LRRC8B: variants seen among roughly 807,000 people sequenced by gnomAD.
The protein encoded by LRRC8B is leucine rich repeat containing 8 VRAC subunit B.
LRRC8B carries 23 observed loss-of-function variants against 58.8 expected under a neutral mutation model. That is an observed-to-expected ratio of 0.39 (90% CI 0.28 to 0.55). LRRC8B has a LOEUF of 0.55. LRRC8B is among the 20% of genes least tolerant of loss of function. LRRC8B has a pLI of 0.62. For missense variants in LRRC8B, 694 were observed against 936.0 expected (o/e 0.74, Z 3.37); for synonymous variants, 359 against 374.1 (o/e 0.96, Z 0.47).
At chr1:89,581,719 C>T (rs1654238211) in intron 4 of LRRC8B, among the ~76,000 whole-genome samples, 1 of 152,190 alleles carries the variant, frequency 6.6e-6, no homozygotes, top group Non-Finnish European at 1.5e-5. Flanking sequence ...AGTACTTTGC[C>T]ATCACAACAT....
chr1:89,559,797 G>A (rs967772861), intron 1 of LRRC8B, among the ~76,000 whole-genome samples: 2 of 152,086 alleles, frequency 1.3e-5, no homozygotes, highest in African/African-American at 4.8e-5. Flanking sequence ...TCCATTATAT[G>A]CTTGGCTTGA....
intron 1 of LRRC8B, among the ~76,000 whole-genome samples, chr1:89,558,129 T>C (rs1652328833): frequency 6.6e-6 from 1 of 152,172 alleles, no homozygotes; most frequent in African/African-American, 2.4e-5. Flanking sequence ...CATAGCTAAC[T>C]GTGAGGCTGA....
intron 1 of LRRC8B, among the ~76,000 whole-genome samples, chr1:89,550,786 GATA>G (rs1368567538): frequency 2.0e-5 from 3 of 152,096 alleles, no homozygotes; most frequent in Non-Finnish European, 4.4e-5. Flanking sequence ...CAGTCTCACT[GATA>G]CTACCATGGT....
intron 3 of LRRC8B, among the ~76,000 whole-genome samples, chr1:89,576,384 T>C (rs1653849120): frequency 6.6e-6 from 1 of 152,060 alleles, no homozygotes; most frequent in Non-Finnish European, 1.5e-5. Flanking sequence ...TGGGGAGATT[T>C]GGGGGAAAAA....
chr1:89,576,888 A>C (rs1011496546), intron 3 of LRRC8B, among the ~76,000 whole-genome samples: 1 of 152,202 alleles, frequency 6.6e-6, no homozygotes, highest in African/African-American at 2.4e-5. Flanking sequence ...AATGCTTGTC[A>C]TTAAATCTCT....
Position 89,592,997 on chromosome 1 carries a change from C to T in LRRC8B, c.2366C>T (p.Pro789Leu). The part of the protein sequence containing the change: ...IVEENLLNTL[P>L]LPVTERLQTC... ...GAGGAGAACTTGCTCAATACTCTTC[C>T]TCTCCCTGTAACAGAACGTTTACAG... The change falls in exon 6 of 6, where the codon CCT becomes CTT. Residue 789 changes from proline (P) to leucine (L), a missense_variant. By Grantham distance (98) the Pro-to-Leu change is moderately conservative (BLOSUM62 -3). Transcript: ENST00000330947. The T allele has an allele frequency of 2.5e-6, 4 of 1,614,078 alleles. No homozygotes were observed. The highest frequency in any genetic ancestry group is 1.3e-5 in the African/African-American group (1 of 75,030).
In LRRC8B at chr1:89,584,469, C is replaced by T; in HGVS notation, c.1819C>T (p.Leu607=). 3.1e-6 allele frequency: 5 copies of T among 1,614,134 alleles called. No homozygotes were observed. The highest frequency in any genetic ancestry group is 4.2e-6 in the Non-Finnish European group (5 of 1,180,030). Residue 607 remains leucine, a synonymous_variant, in exon 5 of 6, where the codon CTG becomes TTG. Transcript: ENST00000330947. ...LERIPHSIFS[L]NNLHELDLRE... Reference sequence around the variant, plus strand: ...ACGCATCCCACATTCCATTTTCAGCCTGAATAATTTGCATGAGTTAGACCT... The same window carrying T: ...ACGCATCCCACATTCCATTTTCAGCTTGAATAATTTGCATGAGTTAGACCT...
chr1:89,536,819 T>C lies in LRRC8B; in HGVS notation c.-241+11797T>C, dbSNP rs536299920. Among the ~76,000 whole-genome samples the C allele has an allele frequency of 8.5e-5, 13 of 152,308 alleles. No homozygotes were observed. In the South Asian group the frequency reaches 2.7e-3, roughly 32 times the overall value. On this transcript the variant is annotated intron_variant, in intron 1 of 5. Coordinates refer to ENST00000330947, the MANE Select transcript of LRRC8B (RefSeq NM_001369817.2). ...CTTTGAGTTTATTTGAGTAAGCTGA[T>C]TCGAGTCATGGTATTCCAAGTTGTG...
At chr1:89,542,821 C>G (rs1025240340) in intron 1 of LRRC8B, among the ~76,000 whole-genome samples, 1 of 152,166 alleles carries the variant, frequency 6.6e-6, no homozygotes, top group African/African-American at 2.4e-5. Context: ...AATATACAAG[C>G]ATATTCAACT....
chr1:89,536,433 A>G (rs1650539926), intron 1 of LRRC8B, among the ~76,000 whole-genome samples: 1 of 152,240 alleles, frequency 6.6e-6, no homozygotes, highest in Non-Finnish European at 1.5e-5. Context: ...AGATTGAGAT[A>G]GATAATTTCA....
intron 1 of LRRC8B, among the ~76,000 whole-genome samples, chr1:89,537,559 A>C (rs771177055): frequency 5.1e-4 from 77 of 151,662 alleles, no homozygotes; most frequent in Non-Finnish European, 9.1e-4. Context: ...TGTAACCTCT[A>C]CCTCCTGGGT....
At chr1:89,534,003 T>C (rs562235988) in intron 1 of LRRC8B, among the ~76,000 whole-genome samples, 5 of 152,240 alleles carry the variant, frequency 3.3e-5, no homozygotes, top group Admixed American at 3.3e-4. Context: ...GTTCCAGATT[T>C]AGCAACTTGT....
intron 1 of LRRC8B, among the ~76,000 whole-genome samples, chr1:89,537,846 G>A (rs1471726009): frequency 6.6e-6 from 1 of 152,178 alleles, no homozygotes; most frequent in Non-Finnish European, 1.5e-5. Flanking sequence ...TACAGCAATA[G>A]GGTACCATCT....
At chr1:89,534,976 C>T (rs566091725) in intron 1 of LRRC8B, among the ~76,000 whole-genome samples, 11 of 152,168 alleles carry the variant, frequency 7.2e-5, no homozygotes, top group African/African-American at 2.6e-4. Context: ...AAATGGCCTT[C>T]TGCTTGGGGC....
intron 1 of LRRC8B, among the ~76,000 whole-genome samples, chr1:89,536,205 AG>A (rs1373020638): frequency 6.6e-6 from 1 of 152,224 alleles, no homozygotes; most frequent in Non-Finnish European, 1.5e-5. Context: ...CCTGCAGTAG[AG>A]GGGACAAGCA....
intron 1 of LRRC8B, among the ~76,000 whole-genome samples, chr1:89,562,236 C>A (rs937120821): frequency 2.0e-5 from 3 of 151,078 alleles, no homozygotes; most frequent in African/African-American, 7.3e-5. Flanking sequence ...CCTTTTCTTC[C>A]CTGCCTTTAC....
chr1:89,548,156 C>G (rs2100882613), intron 1 of LRRC8B, among the ~76,000 whole-genome samples: 1 of 152,256 alleles, frequency 6.6e-6, no homozygotes, highest in African/African-American at 2.4e-5. Context: ...TTACATTTCA[C>G]AAAGAGCACA....
At chr1:89,559,143 A>G (rs932918453) in intron 1 of LRRC8B, 3 of 152,150 alleles carry the variant, frequency 2.0e-5, no homozygotes, top group African/African-American at 7.2e-5. Flanking sequence ...TGGGGAGATG[A>G]TTCTGCAGCT....
intron 1 of LRRC8B, among the ~76,000 whole-genome samples, chr1:89,536,805 T>C (rs1650572458): frequency 6.6e-6 from 1 of 152,174 alleles, no homozygotes; most frequent in African/African-American, 2.4e-5. Flanking sequence ...TTTGAGTTTA[T>C]TTGAGTAAGC....
Sources: allele counts gnomAD v4.1 joint callset (sites outside exome capture counted in the v4.1 genomes callset), GRCh38; gene constraint gnomAD v4.1.1; transcripts MANE v1.5; gene names NCBI Gene and HGNC (gene_info 2026-07-23, HGNC 2026-07-21).